PARVB: variants seen among roughly 807,000 people sequenced by gnomAD.
PARVB encodes parvin beta, also known as beta-parvin.
PARVB carries 46 observed loss-of-function variants against 47.0 expected under a neutral mutation model. The ratio of observed to expected loss-of-function variants is 0.98; its 90% CI spans 0.77 to 1.25. The LOEUF is 1.25. PARVB is among the 50% of genes most tolerant of loss of function. The pLI is 0.00. For missense variants in PARVB, 473 were observed against 471.6 expected (o/e 1.00, Z -0.03); for synonymous variants, 196 against 196.3 (o/e 1.00, Z 0.01).
At chr22:44,134,894 A>C (rs2267615) in intron 6 of PARVB, among the ~76,000 whole-genome samples, 59,473 of 152,084 alleles carry the variant, frequency 0.39, 12,335 homozygotes, top group East Asian at 0.6. Context: ...CTTCATGTCT[A>C]CAATCCTAGA....
chr22:44,153,539 C>T (rs2053855753), intron 10 of PARVB: 1 of 152,118 alleles, frequency 6.6e-6, no homozygotes, highest in African/African-American at 2.4e-5. Flanking sequence ...CCATGTTGGT[C>T]AGGCTGGTCT....
In PARVB at chr22:44,085,592, C is replaced by G. The variant is rs140246188; in HGVS notation, c.113-8336C>G. 1.3e-3 allele frequency among the ~76,000 whole-genome samples: 205 copies of G among 152,356 alleles called. 1 individual carries two copies. Among genetic ancestry groups the G allele is most frequent in the African/African-American group, 4.8e-3 (201 of 41,596 alleles). The stretch of plus-strand genomic sequence containing the variant: ...GTTCTGGGATTATAGGTGTGAGCCA[C>G]TGCAGCTGGCCCAACCTGCTTTTGC... On this transcript the variant is annotated intron_variant, in intron 1 of 12. Coordinates refer to ENST00000338758, the MANE Select transcript of PARVB (RefSeq NM_013327.5).
At chr22:44,064,164 G>A (rs902246207) in intron 1 of PARVB, among the ~76,000 whole-genome samples, 42 of 152,124 alleles carry the variant, frequency 2.8e-4, no homozygotes, top group Admixed American at 2.1e-3. Flanking sequence ...TGCTGGCCAC[G>A]TCAGCCAGTC....
In PARVB at chr22:44,138,193, C is replaced by A. The variant is rs56198594; in HGVS notation, c.692+1675C>A. ...TGAGTGCAGTTCTTTTCCTCCAGGGCGACCCATCCTGCTGATGAGAAAGGA... is the reference window on the plus strand; with the variant it reads ...TGAGTGCAGTTCTTTTCCTCCAGGGAGACCCATCCTGCTGATGAGAAAGGA... On this transcript the variant is annotated intron_variant, in intron 7 of 12. Transcript: ENST00000338758. Among the ~76,000 whole-genome samples the A allele has an allele frequency of 6.8e-3, 1,031 of 152,258 alleles. 14 individuals are homozygous for A. The highest frequency in any genetic ancestry group is 5.9e-3 in the Non-Finnish European group (404 of 68,024).
intron 1 of PARVB, among the ~76,000 whole-genome samples, chr22:44,069,810 T>G (rs1484693442): frequency 6.6e-6 from 1 of 152,186 alleles, no homozygotes; most frequent in East Asian, 1.9e-4. Context: ...ATTACAGGCA[T>G]GAGCCACCGC....
chr22:44,021,736 C>G (rs1181500610), upstream of PARVB, among the ~76,000 whole-genome samples: 1 of 145,952 alleles, frequency 6.9e-6, no homozygotes, highest in Non-Finnish European at 1.5e-5. Context: ...TCCAACATGA[C>G]TGTGTCCCTG....
chr22:44,036,412 G>A (rs984708330), intron 1 of PARVB, among the ~76,000 whole-genome samples: 34 of 152,130 alleles, frequency 2.2e-4, no homozygotes, highest in African/African-American at 8.0e-4. Context: ...TTTTATGGTG[G>A]TAAATGATAA....
At chr22:44,112,744 G>A (rs377711200) in intron 3 of PARVB, 1 of 3,172 alleles carries the variant, frequency 3.2e-4, no homozygotes, top group Admixed American at 6.2e-3. Context: ...TACTAAGTAA[G>A]GCCCTGCACC....
chr22:44,155,907 C>G lies in PARVB; in HGVS notation c.844-2075C>G, dbSNP rs75371488. On this transcript the variant is annotated intron_variant, in intron 10 of 12. Coordinates refer to ENST00000338758, the MANE Select transcript of PARVB (RefSeq NM_013327.5). The surrounding 1 kb of genome is among the most constrained non-coding windows in gnomAD (Gnocchi z 4.8). ...GTGGCTCATGCCTGCAATCCTAGCA[C>G]TTTGGGTGGCCGAGGTGGGTGGATC... 0.086 allele frequency among the ~76,000 whole-genome samples: 13,024 copies of G among 152,196 alleles called. 792 individuals are homozygous for G. Among genetic ancestry groups the G allele is most frequent in the South Asian group, 0.28 (1,338 of 4,822 alleles).
At chr22:44,164,690 C>T (rs1335098813) in intron 12 of PARVB, among the ~76,000 whole-genome samples, 1 of 152,166 alleles carries the variant, frequency 6.6e-6, no homozygotes, top group African/African-American at 2.4e-5. Context: ...TGCCCTGGGC[C>T]CCCACTTTGA....
intron 2 of PARVB, among the ~76,000 whole-genome samples, chr22:44,017,738 C>T (rs1325416109): frequency 6.6e-6 from 1 of 152,198 alleles, no homozygotes; most frequent in East Asian, 1.9e-4. Flanking sequence ...AGCCTCTGGA[C>T]CTCGGCTTTT....
intron 10 of PARVB, among the ~76,000 whole-genome samples, 180 bp from the exon 11 acceptor site, chr22:44,157,802 G>T (rs1018666431): frequency 6.6e-6 from 1 of 152,116 alleles, no homozygotes; most frequent in Non-Finnish European, 1.5e-5. Flanking sequence ...TCGCCTCAGG[G>T]AGGATCACCT....
At chr22:44,093,059 C>T (rs1233033038) in intron 1 of PARVB, among the ~76,000 whole-genome samples, 2 of 152,226 alleles carry the variant, frequency 1.3e-5, no homozygotes, top group African/African-American at 4.8e-5. Flanking sequence ...CTACCTGCAC[C>T]CGGCACCATG....
In PARVB at chr22:44,169,028, A is replaced by G; in HGVS notation, c.*350A>G. The G allele has an allele frequency of 4.6e-6, 1 of 217,454 alleles. No homozygotes were observed. Among genetic ancestry groups the G allele is most frequent in the South Asian group, 7.4e-5 (1 of 13,530 alleles). 13.5% of individuals were successfully genotyped at this position (217,454 alleles called of 1,614,324 possible). A position where few individuals can be genotyped will look rare whatever the true frequency, so the allele number is the denominator to read the frequency against. On this transcript the variant is annotated 3_prime_UTR_variant, in exon 13 of 13. Coordinates refer to ENST00000338758, the MANE Select transcript of PARVB (RefSeq NM_013327.5). ...AAAAAAAGCCTGAACCCCAACCCCC[A>G]GCTGGTTGAGAGCACCCTGCATTCT...
chr22:44,082,074 AG>A (rs1054604958), intron 1 of PARVB, among the ~76,000 whole-genome samples: 7 of 151,964 alleles, frequency 4.6e-5, no homozygotes, highest in African/African-American at 1.5e-4. Flanking sequence ...GCTGAGGGTG[AG>A]GGGCCGAGAA....
At chr22:44,023,285 C>T (rs1004593463), upstream of PARVB, among the ~76,000 whole-genome samples, 4 of 151,668 alleles carry the variant, frequency 2.6e-5, no homozygotes, top group Non-Finnish European at 5.9e-5. Flanking sequence ...CCGAGGCAGG[C>T]GGATCACCTG....
intron 11 of PARVB, among the ~76,000 whole-genome samples, chr22:44,161,364 A>AGTG (rs1433946299): frequency 7.0e-6 from 1 of 143,762 alleles, no homozygotes; most frequent in East Asian, 2.0e-4. Context: ...CCCAGGCTGG[A>AGTG]GTGCAGTGGC....
intron 4 of PARVB, among the ~76,000 whole-genome samples, chr22:44,128,029 C>T (rs1162805327): frequency 6.6e-6 from 1 of 152,190 alleles, no homozygotes; most frequent in Non-Finnish European, 1.5e-5. Context: ...ACGATCCTCC[C>T]ACCTTGGCCT....
At chr22:44,024,989 C>G (rs1364027035) in intron 1 of PARVB, among the ~76,000 whole-genome samples, 1 of 152,110 alleles carries the variant, frequency 6.6e-6, no homozygotes, top group Non-Finnish European at 1.5e-5. Flanking sequence ...AAATTTTTTA[C>G]TGCGTGTGCT....
Sources: allele counts gnomAD v4.1 joint callset (sites outside exome capture counted in the v4.1 genomes callset), GRCh38; gene constraint gnomAD v4.1.1; non-coding constraint Gnocchi (gnomAD v3.1); transcripts MANE v1.5; gene names NCBI Gene and HGNC (gene_info 2026-07-23, HGNC 2026-07-21).